Variants in EHBP1 observed in about 807,000 individuals in gnomAD.
EHBP1 encodes EH domain-binding protein 1.
In EHBP1, 55 loss-of-function variants were observed where a neutral mutation model predicts 144.0. The ratio of observed to expected loss-of-function variants is 0.38; its 90% CI spans 0.31 to 0.48. The LOEUF (loss-of-function observed/expected upper bound fraction) is 0.48, where lower values mean the gene tolerates loss of function less well. Ranked by LOEUF, EHBP1 falls within the 20% of genes least tolerant of loss-of-function variation. The pLI is 0.98. For synonymous variants in EHBP1, 469 were observed against 472.7 expected (o/e 0.99, Z 0.10); for missense variants, 1,200 against 1,364.2 (o/e 0.88, Z 1.90).
At chr2:62,692,669 A>G (rs1406054942) in intron 1 of EHBP1, among the ~76,000 whole-genome samples, 2 of 152,120 alleles carry the variant, frequency 1.3e-5, no homozygotes, top group Non-Finnish European at 2.9e-5. Flanking sequence ...GGTCATTTAT[A>G]TGTATATCAT....
chr2:62,750,391 G>A (rs1292762634), intron 3 of EHBP1, among the ~76,000 whole-genome samples: 1 of 152,162 alleles, frequency 6.6e-6, no homozygotes, highest in Non-Finnish European at 1.5e-5. Flanking sequence ...CTGTAGCCTT[G>A]TAGTATAGTT....
intron 19 of EHBP1, among the ~76,000 whole-genome samples, chr2:63,036,199 T>C (rs1398620274): frequency 6.6e-6 from 1 of 152,074 alleles, no homozygotes; most frequent in Non-Finnish European, 1.5e-5. Context: ...AAATAAATTA[T>C]GGTATGCTCA....
At chr2:63,014,328 G>A (rs1036183524) in intron 19 of EHBP1, among the ~76,000 whole-genome samples, 4 of 152,068 alleles carry the variant, frequency 2.6e-5, no homozygotes, top group Non-Finnish European at 5.9e-5. Flanking sequence ...GCTTTTCCAT[G>A]TAGCCTTGAT....
At chr2:63,017,143 A>G (rs570470498) in intron 19 of EHBP1, among the ~76,000 whole-genome samples, 1 of 152,312 alleles carries the variant, frequency 6.6e-6, no homozygotes, top group Non-Finnish European at 1.5e-5. Context: ...AAATTGGAGT[A>G]AAGAACTCAA....
At chr2:62,819,407 T>C (rs1368499532) in intron 5 of EHBP1, among the ~76,000 whole-genome samples, 1 of 152,162 alleles carries the variant, frequency 6.6e-6, no homozygotes. Flanking sequence ...AGATAAATTA[T>C]TGTGCATGTG....
At chr2:62,918,131 A>G (rs2054788118) in intron 10 of EHBP1, among the ~76,000 whole-genome samples, 1 of 152,076 alleles carries the variant, frequency 6.6e-6, no homozygotes, top group Non-Finnish European at 1.5e-5. Flanking sequence ...TCCTGACCTC[A>G]AGTGATCCAC....
chr2:62,984,083 A>G (rs1366230759), intron 15 of EHBP1, among the ~76,000 whole-genome samples: 1 of 152,226 alleles, frequency 6.6e-6, no homozygotes, highest in African/African-American at 2.4e-5. Flanking sequence ...TCTGTAGAAT[A>G]ACTTCAAAAA....
intron 10 of EHBP1, among the ~76,000 whole-genome samples, chr2:62,895,471 G>T (rs2052832620): frequency 1.3e-5 from 2 of 152,004 alleles, no homozygotes; most frequent in Admixed American, 6.6e-5. Context: ...GATACTTTTG[G>T]CATTTTAACC....
At chr2:62,779,585 C>T (rs115833755) in intron 5 of EHBP1, among the ~76,000 whole-genome samples, 203 of 152,178 alleles carry the variant, frequency 1.3e-3, no homozygotes, top group Admixed American at 3.0e-3. Context: ...ATCAAAGATC[C>T]CTGTATTGTT....
intron 19 of EHBP1, among the ~76,000 whole-genome samples, chr2:63,015,089 G>A (rs1373446118): frequency 6.6e-6 from 1 of 152,166 alleles, no homozygotes; most frequent in Admixed American, 6.5e-5. Flanking sequence ...AATTTTATAT[G>A]AGGAAAAATT....
rs531951490 is a variant in EHBP1, at chr2:62,915,381, C to T, written c.1186-27337C>T. On this transcript the variant is annotated intron_variant, in intron 10 of 22. Coordinates refer to ENST00000431489, the MANE Select transcript of EHBP1 (RefSeq NM_001142616.3). ...TAGTATATCTCACTTAAATTACATT[C>T]AATAATAGGGCTATAGGAAAAATAG... Among the ~76,000 whole-genome samples, 6 of 152,092 alleles carry T rather than the reference C, an allele frequency of 3.9e-5. No homozygotes were observed. The South Asian group carries it at 1.2e-3, about 32-fold the overall frequency.
chr2:63,002,264 G>C (rs150740755), intron 19 of EHBP1, among the ~76,000 whole-genome samples: 62 of 152,184 alleles, frequency 4.1e-4, no homozygotes, highest in African/African-American at 1.5e-3. Context: ...AATAAAACTA[G>C]TTAATATTTC....
At chr2:62,798,451 T>C (rs1246896814) in intron 5 of EHBP1, among the ~76,000 whole-genome samples, 1 of 152,158 alleles carries the variant, frequency 6.6e-6, no homozygotes, top group Non-Finnish European at 1.5e-5. Context: ...GTCTGCCTCT[T>C]TAGAGACTAG....
chr2:62,992,018 G>A (rs2059434352), intron 16 of EHBP1, among the ~76,000 whole-genome samples: 1 of 152,128 alleles, frequency 6.6e-6, no homozygotes. Flanking sequence ...AATGAAGCTG[G>A]CCTAAGAATA....
chr2:62,846,508 C>T (rs1229838648), intron 7 of EHBP1, among the ~76,000 whole-genome samples: 2 of 152,146 alleles, frequency 1.3e-5, no homozygotes, highest in African/African-American at 4.8e-5. Flanking sequence ...TGATAAAGGA[C>T]ATTCATGAAC....
chr2:62,894,923 A>G (rs76524895), intron 10 of EHBP1, among the ~76,000 whole-genome samples: 1 of 53,140 alleles, frequency 1.9e-5, no homozygotes, highest in Admixed American at 2.0e-4. Context: ...CAAAAACAGA[A>G]AGAAAGAGAG....
Position 63,030,405 on chromosome 2 carries a change from A to G in EHBP1, c.3104-7130A>G, listed in dbSNP as rs895925146. 2.0e-5 allele frequency among the ~76,000 whole-genome samples: 3 copies of G among 151,820 alleles called. No individual in the cohort carries two copies. In the Admixed American group the frequency reaches 2.0e-4, roughly 10 times the overall value. On this transcript the variant is annotated intron_variant, in intron 19 of 22. Coordinates refer to ENST00000431489, the MANE Select transcript of EHBP1 (RefSeq NM_001142616.3). ...TGTTTTAATATTTAGCTATATATATATATACACACACACACACACACACAT... is the reference window on the plus strand; with the variant it reads ...TGTTTTAATATTTAGCTATATATATGTATACACACACACACACACACACAT...
chr2:62,916,570 G>A (rs555339464), intron 10 of EHBP1, among the ~76,000 whole-genome samples: 138 of 150,742 alleles, frequency 9.2e-4, no homozygotes, highest in African/African-American at 3.3e-3. Flanking sequence ...ACCACCTTGG[G>A]CAACAGAGCG....
chr2:62,793,914 G>T (rs1266546324), intron 5 of EHBP1, among the ~76,000 whole-genome samples: 1 of 152,144 alleles, frequency 6.6e-6, no homozygotes, highest in East Asian at 1.9e-4. Flanking sequence ...AACTATCTGT[G>T]AAGTTAAGGC....
Sources: gnomAD v4.1 joint callset for allele counts (sites outside exome capture counted in the v4.1 genomes callset) on GRCh38, gnomAD v4.1.1 for gene constraint, MANE v1.5 for transcripts, NCBI Gene and HGNC (gene_info 2026-07-23, HGNC 2026-07-21) for gene names.